Variants in DMD observed in about 807,000 individuals in gnomAD.
DMD encodes dystrophin.
A neutral mutation model predicts 330.1 loss-of-function variants in DMD; 63 were observed. The ratio of observed to expected loss-of-function variants is 0.19; its 90% CI spans 0.16 to 0.24. The LOEUF is 0.24. Among genes scored for constraint, DMD ranks in the 10% least tolerant of loss-of-function variants. The pLI is 1.00. For missense variants in DMD, 3,344 were observed against 2,684.1 expected (o/e 1.25, Z -5.43); for synonymous variants, 1,223 against 959.8 (o/e 1.27, Z -5.07).
chrX:32,479,220 T>C (rs758567483), intron 21 of DMD, among the ~76,000 whole-genome samples: 4 of 111,671 alleles, frequency 3.6e-5, no homozygotes, highest in South Asian at 3.7e-4. Flanking sequence ...TATGTATGCA[T>C]TGTAAAATAT....
intron 43 of DMD, among the ~76,000 whole-genome samples, chrX:32,270,628 G>A (rs142086668): frequency 9.0e-6 from 1 of 111,446 alleles, no homozygotes; most frequent in Non-Finnish European, 1.9e-5. Context: ...GGATGGAAGA[G>A]AGAACGCTAG....
intron 73 of DMD, among the ~76,000 whole-genome samples, chrX:31,170,049 T>A (rs1374946281): frequency 8.9e-6 from 1 of 112,010 alleles, no homozygotes; most frequent in East Asian, 2.8e-4. Context: ...AGGAAATATT[T>A]TATTAAGTGG....
At chrX:31,925,871 CAAAA>C (rs1234308714) in intron 47 of DMD, among the ~76,000 whole-genome samples, 1 of 41,271 alleles carries the variant, frequency 2.4e-5, no homozygotes. Flanking sequence ...AACTCTGTCT[CAAAA>C]AAAAAAAAAA....
chrX:31,516,866 A>G (rs1328470031), intron 55 of DMD, among the ~76,000 whole-genome samples: 3 of 111,312 alleles, frequency 2.7e-5, no homozygotes, highest in African/African-American at 9.8e-5. Context: ...TTCAAAATCT[A>G]ATCTTTAAAA....
At chrX:31,964,012 T>C (rs1349635332) in intron 45 of DMD, among the ~76,000 whole-genome samples, 1 of 111,407 alleles carries the variant, frequency 9.0e-6, no homozygotes. Context: ...AATAAAACTT[T>C]GCAGCATTTA....
chrX:32,927,007 C>T (rs2089092558), intron 2 of DMD, among the ~76,000 whole-genome samples: 1 of 111,513 alleles, frequency 9.0e-6, no homozygotes. Flanking sequence ...GAGGTCTTGG[C>T]TTAATGTCTG....
chrX:31,751,136 G>GA (rs1341125783), intron 51 of DMD, among the ~76,000 whole-genome samples: 12 of 107,673 alleles, frequency 1.1e-4, no homozygotes, highest in African/African-American at 4.1e-4. Context: ...CACAGAATTG[G>GA]AAAAAACTAC....
chrX:32,466,367 C>A (rs1444333514), intron 23 of DMD, among the ~76,000 whole-genome samples: 1 of 111,569 alleles, frequency 9.0e-6, no homozygotes, highest in African/African-American at 3.3e-5. Flanking sequence ...ATTTCATAAT[C>A]CTTTTTCCTA....
At chrX:31,559,722 T>C (rs2075088920) in intron 55 of DMD, among the ~76,000 whole-genome samples, 1 of 108,043 alleles carries the variant, frequency 9.3e-6, no homozygotes, top group Non-Finnish European at 1.9e-5. Flanking sequence ...ATGAACCTCT[T>C]ACTTGAGGTT....
At chrX:32,993,119 T>C (rs1285041461) in intron 2 of DMD, among the ~76,000 whole-genome samples, 2 of 111,413 alleles carry the variant, frequency 1.8e-5, no homozygotes, top group African/African-American at 6.5e-5. Flanking sequence ...GAAGAATTTT[T>C]GGACTGACAC....
At chrX:31,691,037 G>T (rs1351651207) in intron 52 of DMD, among the ~76,000 whole-genome samples, 1 of 110,062 alleles carries the variant, frequency 9.1e-6, no homozygotes. Flanking sequence ...TTAATGGGTG[G>T]AGCATACCAA....
chrX:31,490,359 G>A (rs1427486485), intron 57 of DMD, among the ~76,000 whole-genome samples: 3 of 111,307 alleles, frequency 2.7e-5, no homozygotes, highest in African/African-American at 9.8e-5. Context: ...TCAGGAGATC[G>A]AGACCATCCT....
chrX:32,574,359 A>G (rs185103239), intron 13 of DMD, among the ~76,000 whole-genome samples: 41 of 112,020 alleles, frequency 3.7e-4, no homozygotes, highest in African/African-American at 1.2e-3. Context: ...AATTTTCTCA[A>G]TTATTACAAA....
At chrX:33,269,776 G>C (rs1490940675) in intron 1 of DMD, among the ~76,000 whole-genome samples, 1 of 110,598 alleles carries the variant, frequency 9.0e-6, no homozygotes, top group Non-Finnish European at 1.9e-5. Flanking sequence ...ATCATCAAGA[G>C]TCTGATGGGG....
At chrX:33,170,089 G>A (rs2049261915) in intron 1 of DMD, among the ~76,000 whole-genome samples, 1 of 111,234 alleles carries the variant, frequency 9.0e-6, no homozygotes, top group South Asian at 3.7e-4. Context: ...GCTCTCACAA[G>A]TTGAGTATGT....
intron 29 of DMD, among the ~76,000 whole-genome samples, chrX:32,422,197 C>A (rs2098192870): frequency 9.0e-6 from 1 of 111,351 alleles, no homozygotes; most frequent in Non-Finnish European, 1.9e-5. Context: ...CATAATGCAC[C>A]TTAGCAAAGT....
Position 32,262,788 on chromosome X carries a change from G to A in DMD, c.6290+24741C>T, listed in dbSNP as rs146766565. ...TTCTTTGACCAAGATGATATTGCCC[G>A]GAAGCTGGTAGTTGGGAGGCTCACA... is the stretch of plus-strand genomic sequence containing the variant. On this transcript the variant is annotated intron_variant, in intron 43 of 78. Coordinates refer to ENST00000357033, the MANE Select transcript of DMD (RefSeq NM_004006.3). Among the ~76,000 whole-genome samples the A allele has an allele frequency of 2.3e-4, 26 of 111,681 alleles. No individual in the cohort carries two copies. In the Admixed American group the frequency reaches 2.4e-3, roughly 10 times the overall value.
At chrX:32,485,197 T>C in intron 20 of DMD, 98 bp from the exon 21 acceptor site, 2 of 779,589 alleles carry the variant, frequency 2.6e-6, no homozygotes, top group South Asian at 2.2e-5. Flanking sequence ...AAGTTTAGCT[T>C]AATACCCTTC....
intron 30 of DMD, among the ~76,000 whole-genome samples, chrX:32,405,535 A>C (rs897153412): frequency 1.8e-5 from 2 of 111,282 alleles, no homozygotes; most frequent in Admixed American, 1.9e-4. Flanking sequence ...ATCTTTTCTT[A>C]ATTTTGTACT....
Sources: allele counts gnomAD v4.1 joint callset (sites outside exome capture counted in the v4.1 genomes callset), GRCh38; gene constraint gnomAD v4.1.1; transcripts MANE v1.5; gene names NCBI Gene and HGNC (gene_info 2026-07-23, HGNC 2026-07-21).